The following MDN1 variants were observed in gnomAD, a reference collection of about 807,000 sequenced individuals.
MDN1 encodes midasin.
Under a neutral mutation model 669.2 loss-of-function variants are expected in MDN1, and 266 were observed. The observed-to-expected ratio is 0.40, with a 90% CI of 0.36 to 0.44. The LOEUF (loss-of-function observed/expected upper bound fraction) is 0.44. MDN1 is among the 20% of genes least tolerant of loss of function. MDN1 has a pLI of 1.00. For synonymous variants in MDN1, 2,385 were observed against 2,457.1 expected, an observed-to-expected ratio of 0.97 and a Z score of 0.87; for missense variants, 5,940 against 6,754.0, an observed-to-expected ratio of 0.88 and a Z score of 4.22.
chr6:89,737,639 T>A (rs1816061208), intron 33 of MDN1, among the ~76,000 whole-genome samples: 1 of 152,002 alleles, frequency 6.6e-6, no homozygotes, highest in Admixed American at 6.6e-5. Flanking sequence ...AGATTTTTCA[T>A]AATAAAAATT....
At chr6:89,806,751 T>TA (rs201468996) in intron 1 of MDN1, among the ~76,000 whole-genome samples, 66 of 151,002 alleles carry the variant, frequency 4.4e-4, no homozygotes, top group Middle Eastern at 6.8e-3. Flanking sequence ...AAAGCTTAAT[T>TA]AAAAAATTTT....
At chr6:89,756,712 G>T (rs1817268632) in intron 19 of MDN1, among the ~76,000 whole-genome samples, 1 of 152,130 alleles carries the variant, frequency 6.6e-6, no homozygotes. Context: ...CACGAGGTCA[G>T]GAGATGGAGA....
intron 34 of MDN1, among the ~76,000 whole-genome samples, chr6:89,731,803 C>A (rs796968161): frequency 6.9e-6 from 1 of 144,710 alleles, no homozygotes; most frequent in African/African-American, 2.5e-5. Flanking sequence ...GTACCGCCCC[C>A]CCCCCCCACC....
rs560882109 is a variant in MDN1, at chr6:89,690,610, G to C, written c.10749+63C>G. 6 of 1,565,502 alleles carry C rather than the reference G, an allele frequency of 3.8e-6. No homozygotes were observed. The East Asian group carries it at 1.3e-4, about 35-fold the overall frequency. On this transcript the variant is annotated intron_variant, in intron 64 of 101. Transcript: ENST00000369393. ...TAAAGAGGAAGAGAGAAAGCCATCA[G>C]AGGGAATGTATATGGCATCAAGGGA...
intron 1 of MDN1, among the ~76,000 whole-genome samples, chr6:89,813,371 A>G (rs920552722): frequency 3.7e-4 from 56 of 152,142 alleles, no homozygotes; most frequent in Admixed American, 2.3e-3. Flanking sequence ...CCAACATGGC[A>G]AAACCCCATC....
chr6:89,750,607 G>A (rs1816887461), intron 23 of MDN1, 75 bp from the exon 24 acceptor site: 4 of 1,404,944 alleles, frequency 2.8e-6, no homozygotes, highest in Non-Finnish European at 3.9e-6. Flanking sequence ...ACTGAGTATT[G>A]GTTTGTTTTG....
chr6:89,731,238 CCA>C (rs912634001), intron 34 of MDN1, among the ~76,000 whole-genome samples: 1 of 152,108 alleles, frequency 6.6e-6, no homozygotes, highest in Admixed American at 6.5e-5. Context: ...GGCTGAAAAA[CCA>C]CAGTGATTTT....
At position 89,686,803 on chromosome 6, in the gene MDN1, T is replaced by C; in HGVS notation, c.11572+99A>G. The C allele has an allele frequency of 3.4e-6, 5 of 1,477,470 alleles. No individual in the cohort carries two copies. The South Asian group carries it at 5.2e-5, about 15-fold the overall frequency. The allele number at this position is 1,477,470 out of a possible 1,614,324, so 91.5% of individuals were successfully genotyped here. A position where few individuals can be genotyped will look rare whatever the true frequency, so the allele number is the denominator to read the frequency against. ...ATGGGAGGCATTCCCATGAAAGCCA[T>C]GTAGCGGGAGAAGCGGGAGCAGGAA... On this transcript the variant is annotated intron_variant, in intron 69 of 101. Coordinates refer to ENST00000369393, the MANE Select transcript of MDN1 (RefSeq NM_014611.3).
At chr6:89,754,053 C>G in intron 21 of MDN1, 30 bp downstream of exon 21, 2 of 1,606,420 alleles carry the variant, frequency 1.2e-6, no homozygotes, top group Non-Finnish European at 8.5e-7. Flanking sequence ...CCATTAAGCT[C>G]ATATCCAGTC....
intron 93 of MDN1, among the ~76,000 whole-genome samples, chr6:89,653,611 TC>T (rs1809038685): frequency 6.6e-6 from 1 of 152,166 alleles, no homozygotes; most frequent in African/African-American, 2.4e-5. Context: ...TTCTAACAGT[TC>T]TAACGCTCCT....
chr6:89,748,880 C>T (rs536186508), intron 26 of MDN1, among the ~76,000 whole-genome samples: 51 of 141,670 alleles, frequency 3.6e-4, no homozygotes, highest in African/African-American at 5.7e-4. Flanking sequence ...GGCAACATGG[C>T]GAAACCTTGT....
chr6:89,656,512 G>A (rs890622759), intron 91 of MDN1, among the ~76,000 whole-genome samples, 188 bp downstream of exon 91: 2 of 152,126 alleles, frequency 1.3e-5, no homozygotes, highest in South Asian at 2.1e-4. Flanking sequence ...GGAAGAAGCC[G>A]TGACGGGATC....
chr6:89,673,960 C>T, intron 79 of MDN1, 144 bp downstream of exon 79: 2 of 861,554 alleles, frequency 2.3e-6, no homozygotes, highest in South Asian at 4.0e-5. Context: ...CACCCCATCC[C>T]CCAAACCGAC....
chr6:89,747,379 G>A lies in MDN1; in HGVS notation c.3854C>T (p.Ala1285Val). 1 of 1,614,126 alleles carries A rather than the reference G, an allele frequency of 6.2e-7. No individual in the cohort carries two copies. Among genetic ancestry groups the A allele is most frequent in the South Asian group, 1.1e-5 (1 of 91,080 alleles). The part of the protein sequence containing the change: ...LFRWAERYRL[A>V]EPTEKEYDWL... ...GTCATACTCCTTCTCGGTCGGCTCA[G>A]CCAATCTGTATCTTTCAGCCCATCG... Residue 1285 changes from alanine (A) to valine (V), a missense_variant, in exon 27 of 102, where the codon GCT (alanine) becomes GTT (valine). Ala to Val is a moderately conservative substitution (Grantham distance 64). Transcript: ENST00000369393.
chr6:89,738,167 G>A lies in MDN1; in HGVS notation c.4723+159C>T, dbSNP rs186015867. ...CACTTTAACAGAAGGTAACAGAATA[G>A]TAATATTCTCCTTGTCTACTTTGTT... is the stretch of plus-strand genomic sequence containing the variant. On this transcript the variant is annotated intron_variant, in intron 33 of 101. Coordinates refer to ENST00000369393, the MANE Select transcript of MDN1 (RefSeq NM_014611.3). Among the ~76,000 whole-genome samples, 335 of 152,280 alleles carry A rather than the reference G, an allele frequency of 2.2e-3. 1 individual carries two copies. Among genetic ancestry groups the A allele is most frequent in the African/African-American group, 7.8e-3 (323 of 41,560 alleles).
Position 89,712,569 on chromosome 6 carries a change from A to G in MDN1, c.7430+6T>C. 1 of 1,613,016 alleles carries G rather than the reference A, an allele frequency of 6.2e-7. No homozygotes were observed. Among genetic ancestry groups the G allele is most frequent in the Non-Finnish European group, 8.5e-7 (1 of 1,179,206 alleles). ...ACCAGAGACACAAGCTGAAGGCTCC[A>G]CTGACCTTGTCCAGCTGCTGGTTTT... On this transcript the variant is annotated splice_donor_region_variant and intron_variant, in intron 48 of 101. Coordinates refer to ENST00000369393, the MANE Select transcript of MDN1 (RefSeq NM_014611.3).
chr6:89,767,075 T>C (rs957054641), intron 15 of MDN1, among the ~76,000 whole-genome samples: 22 of 152,180 alleles, frequency 1.4e-4, no homozygotes, highest in Non-Finnish European at 3.1e-4. Context: ...AGTGCTAGAC[T>C]TTCTCTTTCT....
intron 8 of MDN1, 57 bp downstream of exon 8, chr6:89,787,797 T>G: frequency 7.3e-7 from 1 of 1,364,972 alleles, no homozygotes; most frequent in South Asian, 1.2e-5. Context: ...TGGCTCAGCA[T>G]GCAGACTTAC....
At chr6:89,745,153 G>GGAAGGAGGAAAAA in intron 29 of MDN1, 120 bp downstream of exon 29, 2 of 283,994 alleles carry the variant, frequency 7.0e-6, no homozygotes, top group Non-Finnish European at 4.8e-6. Flanking sequence ...AAAAAAAAAA[G>GGAAGGAGGAAAAA]AAAAAAGAGG....
Sources: allele counts gnomAD v4.1 joint callset (sites outside exome capture counted in the v4.1 genomes callset), GRCh38; gene constraint gnomAD v4.1.1; transcripts MANE v1.5; gene names NCBI Gene and HGNC (gene_info 2026-07-23, HGNC 2026-07-21).